The following MAP3K5 variants were observed in gnomAD, a reference collection of about 807,000 sequenced individuals.
The protein encoded by MAP3K5 is ASK-1.
Under a neutral mutation model 158.7 loss-of-function variants are expected in MAP3K5, and 56 were observed. That is an observed-to-expected ratio of 0.35 (90% CI 0.28 to 0.44). MAP3K5 has a LOEUF of 0.44. Ranked by LOEUF, MAP3K5 falls within the 20% of genes least tolerant of loss-of-function variation. The pLI, the probability that MAP3K5 is intolerant of heterozygous loss-of-function variation, is 1.00. For missense variants in MAP3K5, 1,294 were observed against 1,674.8 expected, an observed-to-expected ratio of 0.77 and a Z score of 3.97; for synonymous variants, 579 against 601.7, an observed-to-expected ratio of 0.96 and a Z score of 0.55.
intron 10 of MAP3K5, among the ~76,000 whole-genome samples, chr6:136,654,115 G>C (rs1778639805): frequency 6.6e-6 from 1 of 152,222 alleles, no homozygotes; most frequent in Non-Finnish European, 1.5e-5. Context: ...AGATAACTAA[G>C]TGTTAACATG....
At chr6:136,645,601 C>T (rs1180579427) in intron 11 of MAP3K5, among the ~76,000 whole-genome samples, 1 of 152,234 alleles carries the variant, frequency 6.6e-6, no homozygotes, top group Non-Finnish European at 1.5e-5. Context: ...TCATTGTACA[C>T]ATGCAGACTT....
At chr6:136,665,773 G>T (rs1345746746) in intron 8 of MAP3K5, among the ~76,000 whole-genome samples, 2 of 152,138 alleles carry the variant, frequency 1.3e-5, no homozygotes, top group Non-Finnish European at 2.9e-5. Flanking sequence ...GGTGACAAAG[G>T]AGTTTTTCAG....
chr6:136,575,837 G>T (rs1229585157), intron 25 of MAP3K5, among the ~76,000 whole-genome samples: 1 of 152,118 alleles, frequency 6.6e-6, no homozygotes, highest in Non-Finnish European at 1.5e-5. Context: ...TGGTTGAGGG[G>T]GTGTCTGCCA....
intron 15 of MAP3K5, among the ~76,000 whole-genome samples, chr6:136,617,487 G>A (rs1453181420): frequency 6.6e-6 from 1 of 152,150 alleles, no homozygotes; most frequent in African/African-American, 2.4e-5. Flanking sequence ...TAGACCAGTG[G>A]TTGCCAACCT....
chr6:136,619,450 C>T (rs990589708), intron 15 of MAP3K5, among the ~76,000 whole-genome samples: 1 of 152,128 alleles, frequency 6.6e-6, no homozygotes, highest in Admixed American at 6.6e-5. Flanking sequence ...TAGAGCAGTT[C>T]GTAAGTTCAC....
At chr6:136,598,914 G>A (rs771776909) in intron 21 of MAP3K5, among the ~76,000 whole-genome samples, 1 of 152,180 alleles carries the variant, frequency 6.6e-6, no homozygotes, top group Non-Finnish European at 1.5e-5. Flanking sequence ...GGTGGCACAT[G>A]TAATCCCAGC....
At chr6:136,574,779 C>G (rs532630294) in intron 25 of MAP3K5, among the ~76,000 whole-genome samples, 1 of 151,064 alleles carries the variant, frequency 6.6e-6, no homozygotes, top group Non-Finnish European at 1.5e-5. Flanking sequence ...GGCTCCACCC[C>G]CTGGGGTTCA....
At chr6:136,707,471 A>G (rs1202388758) in intron 2 of MAP3K5, among the ~76,000 whole-genome samples, 8 of 152,000 alleles carry the variant, frequency 5.3e-5, no homozygotes, top group Non-Finnish European at 1.0e-4. Context: ...GCAAAGGCCC[A>G]TCTGAGGAAC....
intron 25 of MAP3K5, among the ~76,000 whole-genome samples, chr6:136,577,614 CCT>C (rs1482060704): frequency 6.6e-6 from 1 of 152,176 alleles, no homozygotes; most frequent in African/African-American, 2.4e-5. Context: ...AGGACAGCTC[CCT>C]CTCTGCAACC....
At chr6:136,664,674 C>T (rs559949194) in intron 8 of MAP3K5, among the ~76,000 whole-genome samples, 38 of 152,236 alleles carry the variant, frequency 2.5e-4, no homozygotes, top group Admixed American at 2.1e-3. Context: ...GCTGTACACT[C>T]GGCCGGATGT....
At chr6:136,740,633 T>TA (rs1448702483) in intron 1 of MAP3K5, among the ~76,000 whole-genome samples, 1 of 152,152 alleles carries the variant, frequency 6.6e-6, no homozygotes, top group African/African-American at 2.4e-5. Flanking sequence ...AAGAAAGATT[T>TA]AAAAAAAGAA....
intron 17 of MAP3K5, among the ~76,000 whole-genome samples, chr6:136,612,275 A>C (rs1009038986): frequency 6.6e-6 from 1 of 152,234 alleles, no homozygotes; most frequent in African/African-American, 2.4e-5. Flanking sequence ...AATCAGCTCT[A>C]TCTGGTCAGT....
In MAP3K5 at chr6:136,705,110, A is replaced by G. The variant is rs1272817365; in HGVS notation, c.612T>C (p.Thr204=). ...SLKEIICQKN[T]MCTGNYTFVP... ...CTGGAAGGTTAAATAAAGTACTCAC[A>G]GTATTCTTCTGGCAAATTATTTCCT... The change falls in exon 3 of 30, where the codon ACT becomes ACC. Residue 204 remains threonine (T), a splice_region_variant and synonymous_variant. Coordinates refer to ENST00000359015, the MANE Select transcript of MAP3K5 (RefSeq NM_005923.4). 1 of 1,208,356 alleles carries G rather than the reference A, an allele frequency of 8.3e-7. No homozygotes were observed. The highest frequency in any genetic ancestry group is 1.2e-6 in the Non-Finnish European group (1 of 858,734). The allele number at this position is 1,208,356 out of a possible 1,614,324, so 74.9% of individuals were successfully genotyped here.
chr6:136,700,897 G>C (rs1190190592), intron 3 of MAP3K5, among the ~76,000 whole-genome samples: 1 of 152,160 alleles, frequency 6.6e-6, no homozygotes, highest in Non-Finnish European at 1.5e-5. Context: ...AAAAAGTCCA[G>C]GTTATCCATT....
intron 14 of MAP3K5, among the ~76,000 whole-genome samples, chr6:136,629,949 G>A (rs1360366186): frequency 1.3e-5 from 2 of 151,272 alleles, no homozygotes; most frequent in East Asian, 1.9e-4. Flanking sequence ...ATGGGGTTTC[G>A]CCATTTTAGC....
At chr6:136,620,743 C>T (rs972791163) in intron 15 of MAP3K5, among the ~76,000 whole-genome samples, 3 of 152,228 alleles carry the variant, frequency 2.0e-5, no homozygotes, top group Non-Finnish European at 1.5e-5. Flanking sequence ...GTGTATCATA[C>T]ACTACAACTG....
intron 12 of MAP3K5, among the ~76,000 whole-genome samples, chr6:136,642,029 T>TAAA (rs57510158): frequency 1.0e-5 from 1 of 99,312 alleles, no homozygotes; most frequent in Non-Finnish European, 2.1e-5. Context: ...TAAAATAAAA[T>TAAA]AAAAATAAAA....
intron 8 of MAP3K5, among the ~76,000 whole-genome samples, chr6:136,661,561 A>G (rs1005464796): frequency 2.6e-5 from 4 of 151,928 alleles, no homozygotes; most frequent in African/African-American, 7.3e-5. Flanking sequence ...ACACCTAGCT[A>G]AATTTTGTTT....
At position 136,561,833 on chromosome 6, in the gene MAP3K5, G is replaced by T. The variant is rs542560780; in HGVS notation, c.3875-188C>A. ...AAAACTCAGAGAAGTGAATTTACTA[G>T]TAAATAAGGAGCAAAAGCAATAATG... On this transcript the variant is annotated intron_variant, in intron 27 of 29. Transcript: ENST00000359015. Among the ~76,000 whole-genome samples the T allele has an allele frequency of 1.8e-4, 27 of 152,282 alleles. No homozygotes were observed. The South Asian group carries it at 2.9e-3, about 16-fold the overall frequency.
Sources: gnomAD v4.1 joint callset for allele counts (sites outside exome capture counted in the v4.1 genomes callset) on GRCh38, gnomAD v4.1.1 for gene constraint, MANE v1.5 for transcripts, NCBI Gene and HGNC (gene_info 2026-07-23, HGNC 2026-07-21) for gene names.